The following PPP3CC variants were observed in gnomAD, a reference collection of about 807,000 sequenced individuals.
PPP3CC encodes protein phosphatase 3 catalytic subunit gamma.
Under a neutral mutation model 60.3 loss-of-function variants are expected in PPP3CC, and 35 were observed. The observed-to-expected ratio is 0.58, with a 90% CI of 0.44 to 0.77. The LOEUF is 0.77. Among genes scored for constraint, PPP3CC ranks in the 30% least tolerant of loss-of-function variants. The pLI is 0.00. For synonymous variants in PPP3CC, 206 were observed against 224.3 expected, an observed-to-expected ratio of 0.92 and a Z score of 0.73; for missense variants, 570 against 628.9, an observed-to-expected ratio of 0.91 and a Z score of 1.00.
At chr8:22,476,759 C>T (rs1586812904) in intron 3 of PPP3CC, among the ~76,000 whole-genome samples, 2 of 151,806 alleles carry the variant, frequency 1.3e-5, no homozygotes, top group South Asian at 4.2e-4. Context: ...GGTGAAACGC[C>T]GTCTCTACTA....
intron 1 of PPP3CC, among the ~76,000 whole-genome samples, chr8:22,463,135 G>C (rs1837412665): frequency 6.6e-6 from 1 of 152,226 alleles, no homozygotes; most frequent in Non-Finnish European, 1.5e-5. Context: ...ACAGTGGAGA[G>C]AGAAGAAAAT....
chr8:22,488,615 C>G (rs563944137), intron 3 of PPP3CC, among the ~76,000 whole-genome samples: 2 of 152,308 alleles, frequency 1.3e-5, no homozygotes, highest in South Asian at 4.1e-4. Flanking sequence ...GATGCACAAG[C>G]AAAGTCCTTT....
chr8:22,522,832 G>T, intron 8 of PPP3CC, 83 bp downstream of exon 8: 1 of 999,258 alleles, frequency 1.0e-6, no homozygotes, highest in Admixed American at 2.6e-5. Context: ...ATGTGTGTTT[G>T]TGTCATTTTA....
intron 12 of PPP3CC, among the ~76,000 whole-genome samples, chr8:22,537,839 A>G (rs1839877133): frequency 6.6e-6 from 1 of 152,212 alleles, no homozygotes; most frequent in South Asian, 2.1e-4. Flanking sequence ...TGAAATGTCC[A>G]GAACAGACCA....
rs138544067 is a variant in PPP3CC, at chr8:22,513,274, G to T, written c.631-19G>T. The T allele has an allele frequency of 1.5e-4, 245 of 1,595,474 alleles. 2 individuals are homozygous for T. The East Asian group carries it at 2.7e-3, about 17-fold the overall frequency. On this transcript the variant is annotated intron_variant, in intron 5 of 13. Coordinates refer to ENST00000240139, the MANE Select transcript of PPP3CC (RefSeq NM_005605.5). ...TTGCTCTCCTGATTTTTTTCTTTTGGCTTTTGTGTGTCTTCTAGTTAGACA... is the reference window on the plus strand; with the variant it reads ...TTGCTCTCCTGATTTTTTTCTTTTGTCTTTTGTGTGTCTTCTAGTTAGACA...
chr8:22,530,537 A>AAATAAATAAATAAATG (rs71206527), intron 10 of PPP3CC, among the ~76,000 whole-genome samples: 4 of 150,852 alleles, frequency 2.7e-5, no homozygotes, highest in African/African-American at 9.8e-5. Flanking sequence ...ATAAATAAAT[A>AAATAAATAAATAAATG]AAAAGGAAGA....
intron 1 of PPP3CC, among the ~76,000 whole-genome samples, chr8:22,444,787 A>G (rs746944141): frequency 7.2e-5 from 11 of 152,362 alleles, no homozygotes; most frequent in Non-Finnish European, 1.3e-4. Flanking sequence ...CTGGGGCACC[A>G]TAACTGGTAT....
chr8:22,476,204 G>A (rs1432990520), intron 3 of PPP3CC, among the ~76,000 whole-genome samples: 1 of 152,210 alleles, frequency 6.6e-6, no homozygotes, highest in Non-Finnish European at 1.5e-5. Context: ...GCTTTAATGT[G>A]TAAAAGATAA....
Position 22,527,507 on chromosome 8 carries a change from T to C in PPP3CC, c.1059T>C (p.Val353=), listed in dbSNP as rs1174580618. Residue 353 remains valine, a synonymous_variant, in exon 9 of 14, where the codon GTT becomes GTC. Coordinates refer to ENST00000240139, the MANE Select transcript of PPP3CC (RefSeq NM_005605.5). ...MDVFTWSLPF[V]GEKVTEMLVN... is the part of the protein sequence containing the mutation. ...TTTTCACATGGTCTTTGCCTTTTGTTGGGGAAAAAGGTAAGAGAACTAAAG... is the reference window on the plus strand; with the variant it reads ...TTTTCACATGGTCTTTGCCTTTTGTCGGGGAAAAAGGTAAGAGAACTAAAG... 2.5e-6 allele frequency: 4 copies of C among 1,613,870 alleles called. No homozygotes were observed. The highest frequency in any genetic ancestry group is 3.4e-6 in the Non-Finnish European group (4 of 1,179,966).
intron 1 of PPP3CC, among the ~76,000 whole-genome samples, chr8:22,450,860 GAGT>G (rs1367170378): frequency 2.7e-5 from 4 of 148,658 alleles, no homozygotes; most frequent in Non-Finnish European, 4.5e-5. Flanking sequence ...TATTGAGACG[GAGT>G]CTCGCTCTGT....
chr8:22,527,940 A>C (rs116127202), intron 9 of PPP3CC, among the ~76,000 whole-genome samples: 2,632 of 152,250 alleles, frequency 0.017, 76 homozygotes, highest in African/African-American at 0.06. Flanking sequence ...CAGCCTCTAC[A>C]TAGATTTGTA....
chr8:22,478,457 A>C (rs1837965193), intron 3 of PPP3CC, among the ~76,000 whole-genome samples: 1 of 152,196 alleles, frequency 6.6e-6, no homozygotes, highest in Admixed American at 6.5e-5. Flanking sequence ...GCCTAAAACA[A>C]CTTTTTAGTG....
intron 1 of PPP3CC, among the ~76,000 whole-genome samples, chr8:22,449,501 G>A: frequency 6.7e-6 from 1 of 150,052 alleles, no homozygotes; most frequent in Non-Finnish European, 1.5e-5. Context: ...CTACAGCTAG[G>A]TTTAGGAAAG....
intron 1 of PPP3CC, among the ~76,000 whole-genome samples, chr8:22,468,465 A>G (rs1837615196): frequency 6.6e-6 from 1 of 152,206 alleles, no homozygotes; most frequent in Admixed American, 6.5e-5. Flanking sequence ...AAGCATTTTA[A>G]AAATGTCTGC....
intron 1 of PPP3CC, among the ~76,000 whole-genome samples, chr8:22,443,316 G>T (rs1378249193): frequency 1.3e-5 from 2 of 152,152 alleles, no homozygotes; most frequent in African/African-American, 2.4e-5. Context: ...GAGGTCAGGA[G>T]TTCGAAACCA....
intron 4 of PPP3CC, among the ~76,000 whole-genome samples, chr8:22,506,194 G>A (rs1467083419): frequency 6.6e-6 from 1 of 152,086 alleles, no homozygotes; most frequent in African/African-American, 2.4e-5. Flanking sequence ...ACAGCTACTT[G>A]GGAGGCTGAA....
intron 8 of PPP3CC, among the ~76,000 whole-genome samples, chr8:22,524,783 C>T (rs1172247051): frequency 6.6e-6 from 1 of 152,214 alleles, no homozygotes; most frequent in Non-Finnish European, 1.5e-5. Context: ...ATACAGCTCA[C>T]TCACTGCTAG....
chr8:22,492,790 T>A (rs1027546492), intron 3 of PPP3CC: 1 of 1,001,286 alleles, frequency 1.0e-6, no homozygotes. Flanking sequence ...ATGTCTCTGG[T>A]ATTGAAGAGG....
At chr8:22,532,133 G>C (rs1418293245) in intron 10 of PPP3CC, 92 bp from the exon 11 acceptor site, 1 of 854,780 alleles carries the variant, frequency 1.2e-6, no homozygotes, top group Non-Finnish European at 1.8e-6. Context: ...AAAAACAATT[G>C]TTTCTTTAAC....
Sources: allele counts gnomAD v4.1 joint callset (sites outside exome capture counted in the v4.1 genomes callset), GRCh38; gene constraint gnomAD v4.1.1; transcripts MANE v1.5; gene names NCBI Gene and HGNC (gene_info 2026-07-23, HGNC 2026-07-21).